Variants in ANO1 observed in about 807,000 individuals in gnomAD.
ANO1 encodes anoctamin-1.
In ANO1, 59 loss-of-function variants were observed where a neutral mutation model predicts 124.0. The observed-to-expected ratio is 0.48, with a 90% CI of 0.39 to 0.59. The LOEUF is 0.59. Among genes scored for constraint, ANO1 ranks in the 20% least tolerant of loss-of-function variants. The pLI, the probability that ANO1 is intolerant of heterozygous loss-of-function variation, is 0.00. For synonymous variants in ANO1, 529 were observed against 532.0 expected (o/e 0.99, Z 0.08); for missense variants, 1,059 against 1,328.0 (o/e 0.80, Z 3.15).
chr11:70,061,547 G>T (rs529628893), intron 1 of ANO1, among the ~76,000 whole-genome samples: 1 of 142,654 alleles, frequency 7.0e-6, no homozygotes, highest in East Asian at 2.1e-4. Flanking sequence ...AGAATGTTGA[G>T]CTTATTTCTC....
rs747729951 is a variant in ANO1 at position 70,147,334 on chromosome 11, G to A, written c.1259-2376G>A. Among the ~76,000 whole-genome samples the A allele has an allele frequency of 3.3e-5, 5 of 152,270 alleles. No homozygotes were observed. The South Asian group carries it at 6.2e-4, about 19-fold the overall frequency. The stretch of plus-strand genomic sequence containing the variant: ...TCTTCAAGGAGGCAGAGACCTCCCC[G>A]CATTGCCTCCTGGGGAGGGTGCCCA... On this transcript the variant is annotated intron_variant, in intron 11 of 25. Transcript: ENST00000355303.
At chr11:70,077,757 T>G (rs2044081094), upstream of ANO1, among the ~76,000 whole-genome samples, 1 of 152,112 alleles carries the variant, frequency 6.6e-6, no homozygotes, top group Non-Finnish European at 1.5e-5. Context: ...AATGAGATGA[T>G]ACACACTCAC....
At chr11:70,142,800 C>G (rs2047206356) in intron 11 of ANO1, among the ~76,000 whole-genome samples, 2 of 152,186 alleles carry the variant, frequency 1.3e-5, no homozygotes, top group Non-Finnish European at 2.9e-5. Flanking sequence ...GGCTTTCAGA[C>G]AGCCACCTTC....
chr11:69,998,356 C>T (rs1436243981), intron 1 of ANO1, among the ~76,000 whole-genome samples: 1 of 151,896 alleles, frequency 6.6e-6, no homozygotes, highest in Non-Finnish European at 1.5e-5. Context: ...CATAATTCTG[C>T]CTATTCTAGC....
At chr11:70,181,529 G>T (rs1427602602) in intron 23 of ANO1, among the ~76,000 whole-genome samples, 2 of 152,258 alleles carry the variant, frequency 1.3e-5, no homozygotes, top group Non-Finnish European at 2.9e-5. Context: ...TGCTGTGCTG[G>T]AGTGGGTGGA....
intron 1 of ANO1, among the ~76,000 whole-genome samples, chr11:70,082,354 T>C (rs909927395): frequency 2.0e-5 from 3 of 151,668 alleles, no homozygotes; most frequent in African/African-American, 7.3e-5. Flanking sequence ...AGGTCAAGAG[T>C]TCAAGACCAG....
chr11:70,114,365 T>G (rs868359083), intron 7 of ANO1, among the ~76,000 whole-genome samples: 53 of 152,342 alleles, frequency 3.5e-4, no homozygotes, highest in Middle Eastern at 3.4e-3. Context: ...AAGCTGATGT[T>G]TAAGCATTTG....
intron 12 of ANO1, among the ~76,000 whole-genome samples, chr11:70,150,476 G>A (rs372847264): frequency 3.9e-5 from 6 of 152,136 alleles, no homozygotes; most frequent in Non-Finnish European, 7.4e-5. Context: ...CAACAGAGGC[G>A]ACCTCATGCA....
chr11:70,036,781 G>A (rs569295074), intron 1 of ANO1, among the ~76,000 whole-genome samples: 2 of 152,210 alleles, frequency 1.3e-5, no homozygotes, highest in South Asian at 2.1e-4. Flanking sequence ...CTAATTTTTT[G>A]TATTTTTAGT....
chr11:69,972,186 CAAAAAA>C, the ANO1 span, among the ~76,000 whole-genome samples: 18 of 86,562 alleles, frequency 2.1e-4, no homozygotes. Flanking sequence ...GACTCCGTCT[CAAAAAA>C]AAAAAAAAAA....
intron 22 of ANO1, among the ~76,000 whole-genome samples, chr11:70,176,925 C>G (rs1043178972): frequency 6.6e-6 from 1 of 152,144 alleles, no homozygotes; most frequent in Non-Finnish European, 1.5e-5. Flanking sequence ...GGCTGGGGTG[C>G]CGGTTCAGCA....
chr11:70,084,037 CA>C (rs939537995), intron 1 of ANO1, among the ~76,000 whole-genome samples: 1 of 151,818 alleles, frequency 6.6e-6, no homozygotes, highest in African/African-American at 2.4e-5. Context: ...ACAGTGTCTG[CA>C]AAGGCAAGGA....
chr11:69,991,578 T>C (rs1856155906), intron 1 of ANO1, among the ~76,000 whole-genome samples: 1 of 152,222 alleles, frequency 6.6e-6, no homozygotes, highest in Admixed American at 6.5e-5. Context: ...TCTGTGGAAA[T>C]AGTTCACACA....
intron 1 of ANO1, among the ~76,000 whole-genome samples, chr11:70,023,646 A>G (rs550139952): frequency 6.6e-6 from 1 of 152,206 alleles, no homozygotes; most frequent in Non-Finnish European, 1.5e-5. Context: ...TCATGCTCAC[A>G]CTGCAAGGCT....
At chr11:70,173,129 G>T (rs539301327) in intron 22 of ANO1, among the ~76,000 whole-genome samples, 1 of 152,096 alleles carries the variant, frequency 6.6e-6, no homozygotes, top group East Asian at 1.9e-4. Flanking sequence ...CTTCTCTTAC[G>T]CTTGGCTGTC....
intron 8 of ANO1, among the ~76,000 whole-genome samples, chr11:70,119,367 T>A (rs11603591): frequency 0.69 from 99,156 of 143,304 alleles, 34,229 homozygotes; most frequent in Admixed American, 0.76. Flanking sequence ...GGTGGATGAA[T>A]GATGGATGGA....
chr11:70,093,872 G>A (rs1282325933), intron 2 of ANO1, among the ~76,000 whole-genome samples: 1 of 152,260 alleles, frequency 6.6e-6, no homozygotes, highest in African/African-American at 2.4e-5. Context: ...GGCTCCGAGT[G>A]CGGGTTCAGA....
chr11:70,163,145 G>C (rs558295239), intron 18 of ANO1, 138 bp from the exon 19 acceptor site: 7 of 823,136 alleles, frequency 8.5e-6, no homozygotes, highest in Non-Finnish European at 1.3e-5. Context: ...AGATGCACCA[G>C]GCAGGGAGAG....
intron 1 of ANO1, among the ~76,000 whole-genome samples, chr11:70,079,761 G>A (rs1340087000): frequency 6.6e-6 from 1 of 152,262 alleles, no homozygotes; most frequent in Non-Finnish European, 1.5e-5. Flanking sequence ...CTAGTCTCTG[G>A]AGCTCACAGA....
Sources: gnomAD v4.1 joint callset for allele counts (sites outside exome capture counted in the v4.1 genomes callset) on GRCh38, gnomAD v4.1.1 for gene constraint, MANE v1.5 for transcripts, NCBI Gene and HGNC (gene_info 2026-07-23, HGNC 2026-07-21) for gene names.